OGDHL: variants seen among roughly 807,000 people sequenced by gnomAD.
OGDHL encodes 2-oxoglutarate dehydrogenase-like, mitochondrial.
Under a neutral mutation model 109.6 loss-of-function variants are expected in OGDHL, and 79 were observed. The observed-to-expected ratio is 0.72, with a 90% CI of 0.60 to 0.87. The LOEUF is 0.87. OGDHL is among the 40% of genes least tolerant of loss of function. The pLI, the probability that OGDHL is intolerant of heterozygous loss-of-function variation, is 0.00. For missense variants in OGDHL, 1,275 were observed against 1,362.2 expected (o/e 0.94, Z 1.01); for synonymous variants, 528 against 537.2 (o/e 0.98, Z 0.24).
chr10:49,738,037 A>G lies in OGDHL; in HGVS notation c.2427T>C (p.Tyr809=). ...AGTTGACCACGATCCAGTTGCAGTCATAGAGCTGGCTCACCTCGAAGTCCT... is the reference window on the plus strand; with the variant it reads ...AGTTGACCACGATCCAGTTGCAGTCGTAGAGCTGGCTCACCTCGAAGTCCT... The part of the protein sequence containing the change: ...FTKDFEVSQL[Y]DCNWIVVNCS... The change falls in exon 19 of 23, where the codon TAT becomes TAC. Residue 809 remains tyrosine, a synonymous_variant. Transcript: ENST00000374103. 2 of 1,614,186 alleles carry G rather than the reference A, an allele frequency of 1.2e-6. No individual in the cohort carries two copies. The highest frequency in any genetic ancestry group is 1.7e-6 in the Non-Finnish European group (2 of 1,180,026).
intron 17 of OGDHL, 194 bp from the exon 18 acceptor site, chr10:49,738,456 C>T (rs753218644): frequency 2.3e-5 from 14 of 615,078 alleles, no homozygotes; most frequent in East Asian, 5.5e-5. Context: ...GTGGGGTCTG[C>T]CCAGAGCTAG....
intron 16 of OGDHL, among the ~76,000 whole-genome samples, chr10:49,740,472 C>A (rs770767685): frequency 6.6e-6 from 1 of 152,076 alleles, no homozygotes; most frequent in African/African-American, 2.4e-5. Context: ...CCCACAAAAC[C>A]CCTCAAGGCA....
chr10:49,735,467 A>ATGGCTTC, intron 22 of OGDHL, 116 bp from the exon 23 acceptor site: 1 of 1,270,618 alleles, frequency 7.9e-7, no homozygotes, highest in Non-Finnish European at 1.1e-6. Flanking sequence ...TCGAAGCCAT[A>ATGGCTTC]GACCCTGCCT....
Position 49,746,773 on chromosome 10 carries a change from C to T in OGDHL, c.1273G>A (p.Val425Met), listed in dbSNP as rs766131013. ...DLPSYTTNGT[V>M]HVVVNNQIGF... ...ACCTGGTTGTTGACGACGACGTGCA[C>T]GGTACCATTGGTCGTGTAGGAGGGC... Residue 425 changes from valine to methionine, a missense_variant, in exon 10 of 23, where the codon GTG (valine) becomes ATG (methionine). Physicochemically the swap from Val to Met is conservative, Grantham distance 21. Transcript: ENST00000374103. The T allele has an allele frequency of 2.4e-5, 39 of 1,614,150 alleles. No homozygotes were observed. The South Asian group carries it at 3.1e-4, about 13-fold the overall frequency.
intron 15 of OGDHL, among the ~76,000 whole-genome samples, chr10:49,742,206 C>T (rs547271554): frequency 1.3e-4 from 18 of 136,626 alleles, no homozygotes; most frequent in South Asian, 8.6e-4. Flanking sequence ...CACACACATA[C>T]GCACACCCCC....
intron 1 of OGDHL, among the ~76,000 whole-genome samples, chr10:49,759,418 G>A (rs1843129498): frequency 6.6e-6 from 1 of 152,132 alleles, no homozygotes; most frequent in East Asian, 1.9e-4. Flanking sequence ...AGGCCCTGCA[G>A]CTCATCTCAC....
At position 49,756,918 on chromosome 10, in the gene OGDHL, C is replaced by T. The variant is rs375590345; in HGVS notation, c.233G>A (p.Ser78Asn). 1.2e-5 allele frequency: 20 copies of T among 1,613,702 alleles called. No homozygotes were observed. Among genetic ancestry groups the T allele is most frequent in the Non-Finnish European group, 8.5e-7 (1 of 1,179,838 alleles). Residue 78 changes from serine (S) to asparagine (N), a missense_variant, in exon 3 of 23, where the codon AGC becomes AAC. Coordinates refer to ENST00000374103, the MANE Select transcript of OGDHL (RefSeq NM_018245.3). ...KSWDSFFREA[S>N]EEAFSGSAQP... ...AGCAGAGCCAGAAAAGGCTTCCTCG[C>T]TGGCTTCCCTGAAGAAGCTGTCCCA...
chr10:49,749,900 C>A lies in OGDHL; in HGVS notation c.897-84G>T. 8 of 1,152,074 alleles carry A rather than the reference C, an allele frequency of 6.9e-6. No homozygotes were observed. The South Asian group carries it at 8.1e-5, about 12-fold the overall frequency. 71.4% of individuals were successfully genotyped at this position (1,152,074 alleles called of 1,614,324 possible). On this transcript the variant is annotated intron_variant, in intron 7 of 22. Coordinates refer to ENST00000374103, the MANE Select transcript of OGDHL (RefSeq NM_018245.3). ...CCCCCACTGTGGAGGCCTGGCCTGGCCTAATACAGCCCCTTCGTGCCCAGA... is the reference window on the plus strand; with the variant it reads ...CCCCCACTGTGGAGGCCTGGCCTGGACTAATACAGCCCCTTCGTGCCCAGA...
chr10:49,751,017 G>T, intron 6 of OGDHL, 32 bp from the exon 7 acceptor site: 1 of 1,555,748 alleles, frequency 6.4e-7, no homozygotes, highest in Non-Finnish European at 8.8e-7. Flanking sequence ...AGAGGAAAGG[G>T]AAAGGGATGG....
chr10:49,740,471 C>G (rs529453651), intron 16 of OGDHL, among the ~76,000 whole-genome samples: 82 of 152,212 alleles, frequency 5.4e-4, no homozygotes, highest in African/African-American at 1.9e-3. Flanking sequence ...ACCCACAAAA[C>G]CCCTCAAGGC....
chr10:49,737,884 G>A (rs978704327), intron 19 of OGDHL, 26 bp from the exon 20 acceptor site: 4 of 1,614,048 alleles, frequency 2.5e-6, no homozygotes, highest in Admixed American at 1.7e-5. Flanking sequence ...ACGCCCAGCT[G>A]CCAGCTGGCC....
rs1444471922 is a variant in OGDHL, at chr10:49,752,001, C to T, written c.595-20G>A. The T allele has an allele frequency of 1.9e-6, 3 of 1,613,820 alleles. No homozygotes were observed. The highest frequency in any genetic ancestry group is 2.2e-5 in the South Asian group (2 of 91,080). On this transcript the variant is annotated intron_variant, in intron 5 of 22. Transcript: ENST00000374103. ...GGTGTTCTGGGGAGACACATTGGGA[C>T]CCCATGAGGAGCGGGGAAGAGGGAC...
Position 49,737,702 on chromosome 10 carries a change from T to C in OGDHL, c.2590+84A>G, listed in dbSNP as rs866403531. The C allele has an allele frequency of 6.6e-5, 96 of 1,457,982 alleles. No individual in the cohort carries two copies. The Middle Eastern group carries it at 8.3e-4, about 13-fold the overall frequency. 90.3% of individuals were successfully genotyped at this position (1,457,982 alleles called of 1,614,324 possible). A position where few individuals can be genotyped will look rare whatever the true frequency, so the allele number is the denominator to read the frequency against. On this transcript the variant is annotated intron_variant, in intron 20 of 22. Coordinates refer to ENST00000374103, the MANE Select transcript of OGDHL (RefSeq NM_018245.3). ...AGCAGAGCCACAGGCAGAGGGGAGG[T>C]TGGAGAAGCCCCAGAAGCAGAAGCC...
chr10:49,738,365 G>T, intron 17 of OGDHL, 103 bp from the exon 18 acceptor site: 3 of 1,212,322 alleles, frequency 2.5e-6, no homozygotes, highest in Non-Finnish European at 3.6e-6. Flanking sequence ...GGGCTTCTCA[G>T]CAGAGGTGCC....
intron 20 of OGDHL, 142 bp from the exon 21 acceptor site, chr10:49,736,662 T>TGAACTA (rs1841220084): frequency 1.2e-6 from 1 of 855,780 alleles, no homozygotes; most frequent in Non-Finnish European, 1.8e-6. Flanking sequence ...GGACACCTCT[T>TGAACTA]GAACTAAAAG....
chr10:49,742,874 T>C lies in OGDHL; in HGVS notation c.1966A>G (p.Ile656Val), dbSNP rs1412661966. The change falls in exon 15 of 23, where the codon ATC (isoleucine) becomes GTC (valine). Residue 656 changes from isoleucine to valine, a missense_variant. Ile to Val is a conservative substitution (Grantham distance 29, BLOSUM62 3). Coordinates refer to ENST00000374103, the MANE Select transcript of OGDHL (RefSeq NM_018245.3). ...MAFGSLLKEG[I>V]HVRLSGQDVE... The stretch of plus-strand genomic sequence containing the variant: ...TCCTGCCCGCTGAGCCGCACGTGGA[T>C]GCCTTCCTTCAGCAGGGAGCCAAAG... 2 of 1,614,002 alleles carry C rather than the reference T, an allele frequency of 1.2e-6. No individual in the cohort carries two copies. Among genetic ancestry groups the C allele is most frequent in the East Asian group, 4.5e-5 (2 of 44,886 alleles).
chr10:49,736,439 G>T lies in OGDHL; in HGVS notation c.2672C>A (p.Thr891Lys). ...CACCAGGTCATAGTACACCTTTCCC[G>T]TGCAGAAGATGAGCCGCTGCACCTG... ...PEQVQRLIFCTGKVYYDLVKE... is the reference protein window; with the variant it reads ...PEQVQRLIFCKGKVYYDLVKE... Residue 891 changes from threonine (T) to lysine (K), a missense_variant, in exon 21 of 23, where the codon ACG (threonine) becomes AAG (lysine). Transcript: ENST00000374103. 3.1e-6 allele frequency: 5 copies of T among 1,614,052 alleles called. No homozygotes were observed. Among genetic ancestry groups the T allele is most frequent in the Non-Finnish European group, 4.2e-6 (5 of 1,180,028 alleles).
At chr10:49,746,302 G>A (rs756691065) in intron 10 of OGDHL, among the ~76,000 whole-genome samples, 8 of 152,208 alleles carry the variant, frequency 5.3e-5, no homozygotes, top group Non-Finnish European at 8.8e-5. Flanking sequence ...CATACCCACA[G>A]CCTGTTTCCT....
At position 49,750,299 on chromosome 10, in the gene OGDHL, T is replaced by G. The variant is rs375965479; in HGVS notation, c.897-483A>C. On this transcript the variant is annotated intron_variant, in intron 7 of 22. Coordinates refer to ENST00000374103, the MANE Select transcript of OGDHL (RefSeq NM_018245.3). Reference sequence around the variant, plus strand: ...CCACAGACGTCTCTGTCCCCCAGGGTGCATTCCCCCTCCTGCTTCCCCACA... The same window carrying G: ...CCACAGACGTCTCTGTCCCCCAGGGGGCATTCCCCCTCCTGCTTCCCCACA... Among the ~76,000 whole-genome samples the G allele has an allele frequency of 2.6e-3, 390 of 152,212 alleles. 20 individuals are homozygous for G. In the South Asian group the frequency reaches 0.074, roughly 29 times the overall value.
Sources: allele counts gnomAD v4.1 joint callset (sites outside exome capture counted in the v4.1 genomes callset), GRCh38; gene constraint gnomAD v4.1.1; transcripts MANE v1.5; gene names NCBI Gene and HGNC (gene_info 2026-07-23, HGNC 2026-07-21).